Variants in PACS2 observed in about 807,000 individuals in gnomAD.
PACS2 encodes PACS1-like protein.
A neutral mutation model predicts 113.0 loss-of-function variants in PACS2; 36 were observed. The observed-to-expected ratio is 0.32, with a 90% CI of 0.24 to 0.42. PACS2 has a LOEUF of 0.42. Among genes scored for constraint, PACS2 ranks in the 10% least tolerant of loss-of-function variants. PACS2 has a pLI of 1.00. For missense variants in PACS2, 1,015 were observed against 1,239.5 expected, an observed-to-expected ratio of 0.82 and a Z score of 2.72; for synonymous variants, 589 against 536.1, an observed-to-expected ratio of 1.10 and a Z score of -1.36.
intron 1 of PACS2, among the ~76,000 whole-genome samples, chr14:105,325,685 G>C (rs1279438187): frequency 6.6e-6 from 1 of 152,266 alleles, no homozygotes; most frequent in Non-Finnish European, 1.5e-5. Flanking sequence ...GATGGCCATT[G>C]TGGGGGTGAC....
chr14:105,397,539 CCCAGG>C lies in PACS2; in HGVS notation c.*2872_*2876del, dbSNP rs1247807590. The C allele has an allele frequency of 2.0e-5, 3 of 152,350 alleles. No individual in the cohort carries two copies. Among genetic ancestry groups the C allele is most frequent in the Non-Finnish European group, 4.4e-5 (3 of 68,128 alleles). 9.4% of individuals were successfully genotyped at this position (152,350 alleles called of 1,614,324 possible). On this transcript the variant is annotated 3_prime_UTR_variant, in exon 25 of 25. Coordinates refer to ENST00000447393, the MANE Select transcript of PACS2 (RefSeq NM_001100913.3). ...ATTACGTAGACAGACCCCACCCTCA[CCCAGG>C]CCAGCTGTGGGCCAGTCCCGCCCTG...
upstream of PACS2, among the ~76,000 whole-genome samples, chr14:105,309,566 C>G (rs1304298880): frequency 6.6e-6 from 1 of 152,172 alleles, no homozygotes; most frequent in East Asian, 1.9e-4. This position sits in a 1 kb window ranked among gnomAD's most constrained non-coding sequence, Gnocchi z 4.0. Context: ...CATGGGATAC[C>G]CATGAGCCCA....
At chr14:105,377,599 CTT>C (rs2080830626) in intron 9 of PACS2, among the ~76,000 whole-genome samples, 2 of 152,174 alleles carry the variant, frequency 1.3e-5, no homozygotes, top group Non-Finnish European at 2.9e-5. Context: ...TGCTCTCACA[CTT>C]TTTTAACCTA....
intron 3 of PACS2, among the ~76,000 whole-genome samples, chr14:105,352,785 A>C (rs1296174239): frequency 8.8e-6 from 1 of 113,158 alleles, no homozygotes; most frequent in East Asian, 2.8e-4. Context: ...GGCCCTCCCC[A>C]TCACTGTTCC....
chr14:105,362,211 G>A (rs934561980), intron 4 of PACS2, among the ~76,000 whole-genome samples: 6 of 151,684 alleles, frequency 4.0e-5, no homozygotes, highest in Non-Finnish European at 7.4e-5. Flanking sequence ...GAGGTCAGGA[G>A]ATCAAGACCA....
chr14:105,351,681 T>C (rs587744831), intron 2 of PACS2, among the ~76,000 whole-genome samples: 88 of 152,186 alleles, frequency 5.8e-4, no homozygotes, highest in African/African-American at 2.1e-3. Flanking sequence ...CTTAACAAAA[T>C]ACAAAAATTA....
chr14:105,352,881 C>G (rs1384533635), intron 3 of PACS2, among the ~76,000 whole-genome samples: 2 of 114,734 alleles, frequency 1.7e-5, no homozygotes, highest in African/African-American at 6.9e-5. Context: ...CACGCCTCAT[C>G]ACTGTCCCCT....
chr14:105,363,111 A>AT (rs2060795889), intron 4 of PACS2, among the ~76,000 whole-genome samples: 1 of 152,110 alleles, frequency 6.6e-6, no homozygotes, highest in Non-Finnish European at 1.5e-5. Context: ...TTGTTGTTCC[A>AT]TTTTCAGAAC....
intron 11 of PACS2, 134 bp downstream of exon 11, chr14:105,380,288 GC>G: frequency 5.4e-6 from 4 of 734,392 alleles, no homozygotes; most frequent in Non-Finnish European, 8.9e-6. Flanking sequence ...GGTGGGGTCA[GC>G]CCTCAGGGGT....
rs1049382995 is a variant in PACS2, at chr14:105,324,714, C to T, written c.119+9677C>T. 2.0e-5 allele frequency among the ~76,000 whole-genome samples: 3 copies of T among 151,606 alleles called. No homozygotes were observed. The highest frequency in any genetic ancestry group is 2.0e-4 in the East Asian group (1 of 5,124). ...GGCTCCGGCCTGTGGAGGCCGGTGG[C>T]GCCCCGTCTCACCCCACGGATGGGG... On this transcript the variant is annotated intron_variant, in intron 1 of 24. Transcript: ENST00000447393. This position sits in a 1 kb window ranked among gnomAD's most constrained non-coding sequence, Gnocchi z 4.7.
chr14:105,340,029 T>C lies in PACS2; in HGVS notation c.120-8464T>C, dbSNP rs1239159870. ...CCTGGGCTCAGGTGATCCACCTGCC[T>C]TGGCCTCCCAAAGGGCTGCGATTCC... is the stretch of plus-strand genomic sequence containing the variant. On this transcript the variant is annotated intron_variant, in intron 1 of 24. Transcript: ENST00000447393. The surrounding 1 kb of genome is among the most constrained non-coding windows in gnomAD (Gnocchi z 4.2). Among the ~76,000 whole-genome samples, 1 of 152,266 alleles carries C rather than the reference T, an allele frequency of 6.6e-6. No homozygotes were observed. The highest frequency in any genetic ancestry group is 6.5e-5 in the Admixed American group (1 of 15,286).
At chr14:105,318,737 C>A (rs2058764423) in intron 1 of PACS2, among the ~76,000 whole-genome samples, 1 of 151,844 alleles carries the variant, frequency 6.6e-6, no homozygotes, top group Non-Finnish European at 1.5e-5. Context: ...CGGCTCACTG[C>A]AAGCTCCGCC....
chr14:105,385,565 G>A (rs1440686346), intron 18 of PACS2, 120 bp from the exon 19 acceptor site: 1 of 594,216 alleles, frequency 1.7e-6, no homozygotes, highest in Non-Finnish European at 2.9e-6. Context: ...AGCGCTCACG[G>A]GCTCTCCCAC....
chr14:105,352,563 C>T, intron 3 of PACS2, 96 bp downstream of exon 3: 1 of 647,864 alleles, frequency 1.5e-6, no homozygotes, highest in Non-Finnish European at 2.8e-6. Flanking sequence ...GGGCCCCCCT[C>T]ATCACTGTCC....
chr14:105,334,129 T>G (rs1215579400), intron 1 of PACS2, among the ~76,000 whole-genome samples: 1 of 152,202 alleles, frequency 6.6e-6, no homozygotes, highest in East Asian at 1.9e-4. Context: ...TTGGCGTGAC[T>G]GCCCACAGGC....
upstream of PACS2, among the ~76,000 whole-genome samples, chr14:105,314,262 G>A (rs2058447462): frequency 1.3e-5 from 2 of 152,078 alleles, no homozygotes; most frequent in Non-Finnish European, 2.9e-5. Flanking sequence ...GAGACAAGGG[G>A]CGGCGAGGGC....
At position 105,323,402 on chromosome 14, in the gene PACS2, G is replaced by A. The variant is rs1032387409; in HGVS notation, c.119+8365G>A. 6.6e-6 allele frequency among the ~76,000 whole-genome samples: 1 copy of A among 152,188 alleles called. No individual in the cohort carries two copies. The highest frequency in any genetic ancestry group is 1.5e-5 in the Non-Finnish European group (1 of 68,038). On this transcript the variant is annotated intron_variant, in intron 1 of 24. Coordinates refer to ENST00000447393, the MANE Select transcript of PACS2 (RefSeq NM_001100913.3). The surrounding 1 kb of genome is among the most constrained non-coding windows in gnomAD (Gnocchi z 4.1). ...CCTGCCTCTGTCCACGTGCAGGGGC[G>A]TCTCCTCAGGACGCATGTTGCCTAC...
chr14:105,369,142 G>A (rs587665669), intron 7 of PACS2, among the ~76,000 whole-genome samples: 29 of 152,362 alleles, frequency 1.9e-4, no homozygotes, highest in African/African-American at 6.3e-4. Context: ...AGCCCAGCCC[G>A]GACACCGCCG....
intron 5 of PACS2, 49 bp downstream of exon 5, chr14:105,367,424 C>A: frequency 1.3e-6 from 2 of 1,576,404 alleles, no homozygotes; most frequent in Non-Finnish European, 1.7e-6. Context: ...GGAGGCCCTG[C>A]CTTCCAGCCA....
Sources: allele counts gnomAD v4.1 joint callset (sites outside exome capture counted in the v4.1 genomes callset), GRCh38; gene constraint gnomAD v4.1.1; non-coding constraint Gnocchi (gnomAD v3.1); transcripts MANE v1.5; gene names NCBI Gene and HGNC (gene_info 2026-07-23, HGNC 2026-07-21).